MALRD1: variants seen among roughly 807,000 people sequenced by gnomAD.
MALRD1 encodes the protein MAM and LDL receptor class A domain containing 1, also known as MAM and LDL-receptor class A domain-containing protein 1.
In MALRD1, 247 loss-of-function variants were observed where a neutral mutation model predicts 242.1. The observed-to-expected ratio is 1.02, with a 90% CI of 0.92 to 1.13. The LOEUF (loss-of-function observed/expected upper bound fraction) is 1.13. MALRD1 is among the 50% of genes most tolerant of loss of function. The pLI is 0.00. For synonymous variants in MALRD1, 995 were observed against 866.6 expected (o/e 1.15, Z -2.60); for missense variants, 2,989 against 2,533.1 (o/e 1.18, Z -3.86).
intron 4 of MALRD1, among the ~76,000 whole-genome samples, chr10:19,095,500 G>A (rs568117659): frequency 6.6e-6 from 1 of 152,202 alleles, no homozygotes; most frequent in South Asian, 2.1e-4. Flanking sequence ...TAAGCCATCA[G>A]GCACTTAAGT....
intron 33 of MALRD1, among the ~76,000 whole-genome samples, chr10:19,588,512 T>C (rs913657630): frequency 1.3e-5 from 2 of 152,246 alleles, no homozygotes; most frequent in African/African-American, 4.8e-5. Flanking sequence ...GTTGCTGTTG[T>C]AGTGATGCAA....
chr10:19,542,428 A>T (rs1455272528), intron 32 of MALRD1, among the ~76,000 whole-genome samples: 1 of 151,810 alleles, frequency 6.6e-6, no homozygotes, highest in Non-Finnish European at 1.5e-5. Context: ...TAATTATATA[A>T]TTTATAGTTT....
At chr10:19,071,893 A>G (rs1835159723) in intron 2 of MALRD1, among the ~76,000 whole-genome samples, 1 of 152,124 alleles carries the variant, frequency 6.6e-6, no homozygotes. Flanking sequence ...ATTCCTTTCT[A>G]TATTTACTTT....
intron 32 of MALRD1, among the ~76,000 whole-genome samples, chr10:19,543,297 A>G (rs1835061207): frequency 6.8e-6 from 1 of 147,022 alleles, no homozygotes; most frequent in Non-Finnish European, 1.5e-5. Context: ...AGGGCCTTGT[A>G]CTGTCAGTCA....
At chr10:19,397,486 A>G (rs965177718) in intron 28 of MALRD1, among the ~76,000 whole-genome samples, 5 of 151,942 alleles carry the variant, frequency 3.3e-5, no homozygotes, top group African/African-American at 1.2e-4. Context: ...CCATTTATTC[A>G]TTTTTGGACA....
intron 28 of MALRD1, among the ~76,000 whole-genome samples, chr10:19,435,252 A>G (rs567148168): frequency 3.2e-4 from 48 of 152,108 alleles, no homozygotes; most frequent in Admixed American, 2.2e-3. Context: ...TAATTATTGC[A>G]AAGATAGTAC....
chr10:19,506,449 G>T (rs1252826131), intron 31 of MALRD1, among the ~76,000 whole-genome samples: 1 of 152,088 alleles, frequency 6.6e-6, no homozygotes, highest in African/African-American at 2.4e-5. Context: ...CATGTACTTA[G>T]AATGAAAGCT....
intron 29 of MALRD1, among the ~76,000 whole-genome samples, chr10:19,473,784 T>C (rs549799599): frequency 6.6e-6 from 1 of 152,154 alleles, no homozygotes; most frequent in Non-Finnish European, 1.5e-5. Flanking sequence ...GCTATGACAT[T>C]AGTGCACAAA....
At chr10:19,148,701 C>T (rs1434573053) in intron 11 of MALRD1, among the ~76,000 whole-genome samples, 3 of 149,208 alleles carry the variant, frequency 2.0e-5, no homozygotes, top group African/African-American at 7.4e-5. Context: ...ACTGATAAAA[C>T]TAGGGGCAGC....
chr10:19,117,279 T>G (rs903239405), intron 5 of MALRD1, among the ~76,000 whole-genome samples: 3 of 152,146 alleles, frequency 2.0e-5, no homozygotes, highest in Non-Finnish European at 2.9e-5. Flanking sequence ...AAATACTTAC[T>G]CATATACCAC....
intron 36 of MALRD1, among the ~76,000 whole-genome samples, chr10:19,621,276 A>G (rs370898150): frequency 1.5e-4 from 23 of 150,944 alleles, no homozygotes; most frequent in Non-Finnish European, 3.0e-4. Context: ...TATAAAACAT[A>G]TAATTGGGGA....
chr10:19,170,009 T>G (rs1834854357), intron 13 of MALRD1, among the ~76,000 whole-genome samples: 1 of 152,316 alleles, frequency 6.6e-6, no homozygotes, highest in Non-Finnish European at 1.5e-5. Flanking sequence ...TCTTTTGATG[T>G]CAATTGTAGA....
chr10:19,258,654 A>G (rs1215715666), intron 19 of MALRD1, among the ~76,000 whole-genome samples: 2 of 152,134 alleles, frequency 1.3e-5, no homozygotes, highest in Admixed American at 6.5e-5. Flanking sequence ...AGTTGTAGCT[A>G]TGTGACACAG....
chr10:19,135,865 T>C (rs112604007), intron 9 of MALRD1, among the ~76,000 whole-genome samples: 1 of 152,214 alleles, frequency 6.6e-6, no homozygotes, highest in African/African-American at 2.4e-5. Context: ...ACTTTGACAT[T>C]ATCTTACACT....
At position 19,287,742 on chromosome 10, in the gene MALRD1, A is replaced by G. The variant is rs544261357; in HGVS notation, c.3419+4561A>G. On this transcript the variant is annotated intron_variant, in intron 21 of 39. Coordinates refer to ENST00000454679, the MANE Select transcript of MALRD1 (RefSeq NM_001142308.3). ...ATATAGTTTTGTGTAACTGTGTTCT[A>G]TGATGTTGAGGTGAAGACAACTCAC... Among the ~76,000 whole-genome samples the G allele has an allele frequency of 3.3e-5, 5 of 152,272 alleles. No individual in the cohort carries two copies. In the East Asian group the frequency reaches 5.8e-4, roughly 18 times the overall value.
At chr10:19,420,087 C>T (rs765913956) in intron 28 of MALRD1, among the ~76,000 whole-genome samples, 15 of 152,072 alleles carry the variant, frequency 9.9e-5, no homozygotes, top group Non-Finnish European at 2.1e-4. Context: ...AGCAGTGGAG[C>T]GCACACTTGG....
chr10:19,069,281 T>C (rs894773970), intron 2 of MALRD1, among the ~76,000 whole-genome samples: 3 of 152,076 alleles, frequency 2.0e-5, no homozygotes, highest in African/African-American at 4.8e-5. Context: ...AATTGTTAGA[T>C]CTAAAATTCA....
chr10:19,684,339 C>T (rs1842489450), intron 36 of MALRD1, among the ~76,000 whole-genome samples: 1 of 152,162 alleles, frequency 6.6e-6, no homozygotes, highest in African/African-American at 2.4e-5. Context: ...TTGTCTAGCA[C>T]ATAACAAGTG....
intron 28 of MALRD1, among the ~76,000 whole-genome samples, chr10:19,390,931 A>G (rs1032400792): frequency 6.6e-6 from 1 of 152,194 alleles, no homozygotes; most frequent in Non-Finnish European, 1.5e-5. Flanking sequence ...TATAGCACTT[A>G]AAGTTCTCAT....
Sources: gnomAD v4.1 joint callset for allele counts (sites outside exome capture counted in the v4.1 genomes callset) on GRCh38, gnomAD v4.1.1 for gene constraint, MANE v1.5 for transcripts, NCBI Gene and HGNC (gene_info 2026-07-23, HGNC 2026-07-21) for gene names.